The following SMAD4 variants were observed in gnomAD, a reference collection of about 807,000 sequenced individuals.
The protein encoded by SMAD4 is MAD homolog 4.
A neutral mutation model predicts 63.2 loss-of-function variants in SMAD4; 7 were observed. That is an observed-to-expected ratio of 0.11 (90% confidence interval 0.06 to 0.21). The LOEUF (loss-of-function observed/expected upper bound fraction) is 0.21, where lower values mean the gene tolerates loss of function less well. Ranked by LOEUF, SMAD4 falls within the 10% of genes least tolerant of loss-of-function variation. The probability of loss-of-function intolerance (pLI) is 1.00; values close to 1 mark genes in which losing one functional copy is unlikely to be tolerated. For missense variants in SMAD4, 312 were observed against 693.8 expected (o/e 0.45, Z 6.18); for synonymous variants, 215 against 235.4 (o/e 0.91, Z 0.79).
chr18:51,046,439 T>TG (rs1372880543), intron 1 of SMAD4, among the ~76,000 whole-genome samples: 51 of 148,680 alleles, frequency 3.4e-4, no homozygotes, highest in African/African-American at 1.3e-3. Flanking sequence ...AAATTGGGGT[T>TG]TTTTTTTTTT....
rs1910602362 is a variant in SMAD4 at position 51,081,094 on chromosome 18, T to C, written c.*2627T>C. 1 of 215,588 alleles carries C rather than the reference T, an allele frequency of 4.6e-6. No individual in the cohort carries two copies. The highest frequency in any genetic ancestry group is 2.3e-5 in the African/African-American group (1 of 44,360). The allele number at this position is 215,588 out of a possible 1,614,324, so 13.4% of individuals were successfully genotyped here. On this transcript the variant is annotated 3_prime_UTR_variant, in exon 12 of 12. Transcript: ENST00000342988. ...CTATTCCTGAGAGCTTGGTTGTTAA[T>C]CTATATTTCTATTTCTTAGTGGTAG...
chr18:51,030,833 C>T (rs1909025534), intron 1 of SMAD4, among the ~76,000 whole-genome samples: 1 of 151,764 alleles, frequency 6.6e-6, no homozygotes, highest in Non-Finnish European at 1.5e-5. Flanking sequence ...TCGCGTCCCT[C>T]GGGCCCCCAG....
At chr18:51,064,357 G>A (rs1910095089) in intron 8 of SMAD4, among the ~76,000 whole-genome samples, 1 of 152,152 alleles carries the variant, frequency 6.6e-6, no homozygotes, top group Admixed American at 6.5e-5. Context: ...ATCATCTGCT[G>A]TTCCATACCC....
At chr18:51,050,090 G>A (rs1186882496) in intron 4 of SMAD4, among the ~76,000 whole-genome samples, 2 of 152,264 alleles carry the variant, frequency 1.3e-5, no homozygotes, top group South Asian at 2.1e-4. Flanking sequence ...AGGCACGGTG[G>A]TTCACACCTG....
intron 1 of SMAD4, among the ~76,000 whole-genome samples, chr18:51,040,145 G>C (rs771538650): frequency 6.6e-6 from 1 of 151,990 alleles, no homozygotes; most frequent in African/African-American, 2.4e-5. Context: ...AAGCACTTTT[G>C]CGCCGGGCAT....
chr18:51,036,166 T>TG (rs1038752342), intron 1 of SMAD4, among the ~76,000 whole-genome samples: 2 of 151,130 alleles, frequency 1.3e-5, no homozygotes, highest in Non-Finnish European at 3.0e-5. Context: ...TTTGTAGAAA[T>TG]GGGGGGGCGG....
intron 1 of SMAD4, chr18:51,044,851 A>C (rs1445705877): frequency 6.6e-6 from 1 of 152,210 alleles, no homozygotes; most frequent in Non-Finnish European, 1.5e-5. Flanking sequence ...CTGGAATTCT[A>C]ATTCAAATCT....
At chr18:51,063,879 T>C (rs1910082305) in intron 8 of SMAD4, among the ~76,000 whole-genome samples, 1 of 152,234 alleles carries the variant, frequency 6.6e-6, no homozygotes, top group East Asian at 1.9e-4. Flanking sequence ...CATTTGAGTT[T>C]TTAAGTTTTT....
intron 1 of SMAD4, among the ~76,000 whole-genome samples, chr18:51,041,644 A>G (rs1323780519): frequency 6.6e-6 from 1 of 152,180 alleles, no homozygotes; most frequent in East Asian, 1.9e-4. Context: ...GACTTTGGCC[A>G]GTCAAACATG....
chr18:51,077,991 G>A (rs1910512525), intron 11 of SMAD4, among the ~76,000 whole-genome samples: 1 of 152,184 alleles, frequency 6.6e-6, no homozygotes, highest in African/African-American at 2.4e-5. Flanking sequence ...GAAAAAAATA[G>A]GTGAGGTGTT....
intron 10 of SMAD4, among the ~76,000 whole-genome samples, 181 bp downstream of exon 10, chr18:51,067,368 A>G (rs1280682746): frequency 6.6e-6 from 1 of 151,966 alleles, no homozygotes; most frequent in Non-Finnish European, 1.5e-5. Flanking sequence ...ATCTAGTTTT[A>G]TCGTTGCCAA....
At chr18:51,060,633 T>C (rs1244813610) in intron 8 of SMAD4, among the ~76,000 whole-genome samples, 2 of 152,162 alleles carry the variant, frequency 1.3e-5, no homozygotes, top group Non-Finnish European at 2.9e-5. Context: ...TATATTTTTA[T>C]TTTTACTTGT....
chr18:51,064,140 T>C (rs1910089219), intron 8 of SMAD4, among the ~76,000 whole-genome samples: 1 of 152,202 alleles, frequency 6.6e-6, no homozygotes, highest in East Asian at 1.9e-4. Context: ...TTTTATTGCT[T>C]CAAATTCTAG....
rs1460440628 is a variant in SMAD4 at position 51,082,784 on chromosome 18, T to TA, written c.*4318dup. 1 of 229,634 alleles carries TA rather than the reference T, an allele frequency of 4.4e-6. No individual in the cohort carries two copies. Among genetic ancestry groups the TA allele is most frequent in the Non-Finnish European group, 8.6e-6 (1 of 115,800 alleles). 14.2% of individuals were successfully genotyped at this position (229,634 alleles called of 1,614,324 possible). On this transcript the variant is annotated 3_prime_UTR_variant, in exon 12 of 12. Transcript: ENST00000342988. ...CCTGGTCTCTTCCCTCTCTGATAAT[T>TA]ACCATTCATATGTGAGTGTTAGTGT...
chr18:51,047,615 T>C (rs1909584591), intron 2 of SMAD4, among the ~76,000 whole-genome samples: 1 of 152,006 alleles, frequency 6.6e-6, no homozygotes, highest in Non-Finnish European at 1.5e-5. Flanking sequence ...GTTTTCTTTT[T>C]TTTTTTTTTC....
Position 51,080,147 on chromosome 18 carries a change from C to T in SMAD4, c.*1680C>T, listed in dbSNP as rs921308477. On this transcript the variant is annotated 3_prime_UTR_variant, in exon 12 of 12. Transcript: ENST00000342988. ...GAAACACTTGTGTGATGATAGTCCT[C>T]CTTATATCACCTGGAATGAACACAG... 25 of 232,610 alleles carry T rather than the reference C, an allele frequency of 1.1e-4. No individual in the cohort carries two copies. Among genetic ancestry groups the T allele is most frequent in the African/African-American group, 5.5e-4 (25 of 45,414 alleles). 14.4% of individuals were successfully genotyped at this position (232,610 alleles called of 1,614,324 possible).
intron 4 of SMAD4, chr18:51,052,915 T>C (rs539561767): frequency 6.5e-6 from 1 of 153,030 alleles, no homozygotes; most frequent in Admixed American, 6.5e-5. Context: ...CTTGCTTTGA[T>C]TCTCTTGGCA....
intron 8 of SMAD4, among the ~76,000 whole-genome samples, chr18:51,062,876 G>C (rs1224486009): frequency 1.3e-4 from 1 of 7,440 alleles, no homozygotes; most frequent in African/African-American, 5.0e-4. Context: ...TTTTTTTTTT[G>C]AGACGGAGTC....
At chr18:51,036,325 G>A (rs964167774) in intron 1 of SMAD4, among the ~76,000 whole-genome samples, 7 of 152,282 alleles carry the variant, frequency 4.6e-5, no homozygotes, top group African/African-American at 1.7e-4. Context: ...AAGTCAAAAT[G>A]TATTTCTAAA....
Sources: allele counts gnomAD v4.1 joint callset (sites outside exome capture counted in the v4.1 genomes callset), GRCh38; gene constraint gnomAD v4.1.1; transcripts MANE v1.5; gene names NCBI Gene and HGNC (gene_info 2026-07-23, HGNC 2026-07-21).